Variants in PLEKHA5 observed in about 807,000 individuals in gnomAD.
The protein encoded by PLEKHA5 is pleckstrin homology domain containing A5.
A neutral mutation model predicts 181.9 loss-of-function variants in PLEKHA5; 55 were observed. The observed-to-expected ratio is 0.30, with a 90% CI of 0.24 to 0.38. The LOEUF is 0.38. Ranked by LOEUF, PLEKHA5 falls within the 10% of genes least tolerant of loss-of-function variation. The pLI is 1.00. For missense variants in PLEKHA5, 1,432 were observed against 1,549.5 expected (o/e 0.92, Z 1.27); for synonymous variants, 535 against 529.4 (o/e 1.01, Z -0.15).
At chr12:19,302,013 A>T (rs965189173) in intron 15 of PLEKHA5, among the ~76,000 whole-genome samples, 1 of 152,202 alleles carries the variant, frequency 6.6e-6, no homozygotes, top group South Asian at 2.1e-4. Context: ...CCCTGGGCAC[A>T]TCAAATTCTT....
chr12:19,129,919 C>T, intron 1 of PLEKHA5, 31 bp downstream of exon 1: 1 of 1,570,972 alleles, frequency 6.4e-7, no homozygotes, highest in Non-Finnish European at 8.7e-7. Context: ...CGGGGGCCCG[C>T]GGGGGCGGGA....
At chr12:19,225,307 T>C (rs1173378234) in intron 3 of PLEKHA5, among the ~76,000 whole-genome samples, 1 of 152,148 alleles carries the variant, frequency 6.6e-6, no homozygotes. Context: ...TTCATAACGT[T>C]CCTCAGAGCA....
intron 3 of PLEKHA5, among the ~76,000 whole-genome samples, chr12:19,223,000 C>CTT (rs62719560): frequency 3.9e-5 from 5 of 128,902 alleles, no homozygotes; most frequent in African/African-American, 1.2e-4. Flanking sequence ...GAAATTTTGT[C>CTT]TTTTTTTTTT....
At chr12:19,175,013 T>G (rs1410625912) in intron 3 of PLEKHA5, among the ~76,000 whole-genome samples, 1 of 152,066 alleles carries the variant, frequency 6.6e-6, no homozygotes, top group African/African-American at 2.4e-5. Context: ...TAATAAGAAA[T>G]GTGAATAAAA....
chr12:19,354,553 T>G (rs1253300421), intron 26 of PLEKHA5, among the ~76,000 whole-genome samples: 1 of 148,168 alleles, frequency 6.7e-6, no homozygotes, highest in Non-Finnish European at 1.5e-5. Flanking sequence ...TGATTTCAGC[T>G]CACTGCAAAC....
At chr12:19,137,528 T>C (rs2036012375) in intron 3 of PLEKHA5, among the ~76,000 whole-genome samples, 1 of 152,228 alleles carries the variant, frequency 6.6e-6, no homozygotes, top group Non-Finnish European at 1.5e-5. Flanking sequence ...AACTATGATC[T>C]CAGCTTTCAA....
At chr12:19,320,456 T>G (rs1313187914) in intron 17 of PLEKHA5, 106 bp from the exon 18 acceptor site, 5 of 542,760 alleles carry the variant, frequency 9.2e-6, no homozygotes, top group Non-Finnish European at 1.6e-5. Context: ...AAAATCTATT[T>G]TTGTTATGTT....
chr12:19,189,593 GGTTAA>G (rs2050626399), intron 3 of PLEKHA5, among the ~76,000 whole-genome samples: 1 of 152,132 alleles, frequency 6.6e-6, no homozygotes, highest in Admixed American at 6.5e-5. Context: ...GTTTTTGGTA[GGTTAA>G]GTTTGAGATG....
At chr12:19,270,915 A>G (rs545493355) in intron 10 of PLEKHA5, among the ~76,000 whole-genome samples, 1 of 152,198 alleles carries the variant, frequency 6.6e-6, no homozygotes, top group East Asian at 1.9e-4. Flanking sequence ...TTTTTGGCTA[A>G]AAGACTTAGG....
Position 19,348,523 on chromosome 12 carries a change from A to G in PLEKHA5, c.3019+4A>G. Reference sequence around the variant, plus strand: ...ATAGAAACTTCAGTTGTTAAAGGTCAGCATTTGTAATATGTTTTACCTCTT... The same window carrying G: ...ATAGAAACTTCAGTTGTTAAAGGTCGGCATTTGTAATATGTTTTACCTCTT... On this transcript the variant is annotated splice_donor_region_variant and intron_variant, in intron 25 of 31. Coordinates refer to ENST00000429027, the MANE Select transcript of PLEKHA5 (RefSeq NM_001256470.2). 1 of 1,562,030 alleles carries G rather than the reference A, an allele frequency of 6.4e-7. No individual in the cohort carries two copies.
chr12:19,130,125 G>A lies in PLEKHA5; in HGVS notation c.164G>A (p.Ser55Asn), dbSNP rs1294159076. Residue 55 changes from serine (S) to asparagine (N), a missense_variant, in exon 2 of 32, where the codon AGC becomes AAC. This residue lies in a region of PLEKHA5 where 289 missense variants were observed against 381.1 expected (regional missense o/e 0.76). Coordinates refer to ENST00000429027, the MANE Select transcript of PLEKHA5 (RefSeq NM_001256470.2). The surrounding 1 kb of genome is among the most constrained non-coding windows in gnomAD (Gnocchi z 4.5). ...EAVVTGHRRQ[S>N]TDLPTGWEEA... ...GTGGTCACCGGACACCGGCGGCAGAGCACAGGTAACGCCGGGCCCAAACGG... is the reference window on the plus strand; with the variant it reads ...GTGGTCACCGGACACCGGCGGCAGAACACAGGTAACGCCGGGCCCAAACGG... The A allele has an allele frequency of 1.9e-6, 3 of 1,569,870 alleles. No homozygotes were observed. Among genetic ancestry groups the A allele is most frequent in the African/African-American group, 2.8e-5 (2 of 72,442 alleles).
Position 19,304,363 on chromosome 12 carries a change from C to G in PLEKHA5, c.2038-10451C>G, listed in dbSNP as rs1222385552. Reference sequence around the variant, plus strand: ...GAGGTTGCAGTGAGCTGAGATTGCGCCATTGCACATCAGCTTTTAAAAGGC... The same window carrying G: ...GAGGTTGCAGTGAGCTGAGATTGCGGCATTGCACATCAGCTTTTAAAAGGC... On this transcript the variant is annotated intron_variant, in intron 15 of 31. Coordinates refer to ENST00000429027, the MANE Select transcript of PLEKHA5 (RefSeq NM_001256470.2). Among the ~76,000 whole-genome samples, 2 of 152,186 alleles carry G rather than the reference C, an allele frequency of 1.3e-5. 1 individual carries two copies. Among genetic ancestry groups the G allele is most frequent in the African/African-American group, 4.8e-5 (2 of 41,446 alleles).
At chr12:19,302,795 A>G (rs1388023847) in intron 15 of PLEKHA5, among the ~76,000 whole-genome samples, 1 of 151,686 alleles carries the variant, frequency 6.6e-6, no homozygotes, top group Non-Finnish European at 1.5e-5. Flanking sequence ...AAGTAAAAAC[A>G]TGTCCTCAGT....
chr12:19,337,011 G>A (rs1449161410), intron 21 of PLEKHA5, among the ~76,000 whole-genome samples: 2 of 105,866 alleles, frequency 1.9e-5, no homozygotes, highest in African/African-American at 4.3e-5. Flanking sequence ...TTTTGAGACA[G>A]AGTTTTGCTC....
chr12:19,194,683 G>A (rs1172159608), intron 3 of PLEKHA5, among the ~76,000 whole-genome samples: 2 of 152,098 alleles, frequency 1.3e-5, no homozygotes, highest in African/African-American at 4.8e-5. Flanking sequence ...TCATTATACA[G>A]ACAAATTGAA....
At chr12:19,200,282 A>C in intron 3 of PLEKHA5, 1 of 1,430,706 alleles carries the variant, frequency 7.0e-7, no homozygotes, top group Non-Finnish European at 9.5e-7. Flanking sequence ...ATAAAAAAAA[A>C]TTTAAACATT....
rs1302615397 is a variant in PLEKHA5, at chr12:19,375,512, CCT to C, written c.*12-12_*12-11del. 2 of 152,360 alleles carry C rather than the reference CCT, an allele frequency of 1.3e-5. No homozygotes were observed. The highest frequency in any genetic ancestry group is 2.9e-5 in the Non-Finnish European group (2 of 68,008). 9.4% of individuals were successfully genotyped at this position (152,360 alleles called of 1,614,324 possible). Reference sequence around the variant, plus strand: ...AACGTTGCAGGTGTCAAAGTAATTTCCTCTCTCTTATTTTTCAGCTATACTGA... The same window carrying C: ...AACGTTGCAGGTGTCAAAGTAATTTCCTCTCTTATTTTTCAGCTATACTGA... On this transcript the variant is annotated splice_polypyrimidine_tract_variant and intron_variant, in intron 31 of 31. Coordinates refer to ENST00000429027, the MANE Select transcript of PLEKHA5 (RefSeq NM_001256470.2).
At chr12:19,326,678 A>G (rs2092145889) in intron 20 of PLEKHA5, among the ~76,000 whole-genome samples, 1 of 152,190 alleles carries the variant, frequency 6.6e-6, no homozygotes, top group Non-Finnish European at 1.5e-5. Context: ...CCCATCACCC[A>G]GGTACCTAGC....
At chr12:19,244,076 T>C (rs1205886324) in intron 3 of PLEKHA5, among the ~76,000 whole-genome samples, 1 of 152,124 alleles carries the variant, frequency 6.6e-6, no homozygotes, top group Non-Finnish European at 1.5e-5. Flanking sequence ...TTAATAATAA[T>C]TTTTAAATTA....
Sources: gnomAD v4.1 joint callset for allele counts (sites outside exome capture counted in the v4.1 genomes callset) on GRCh38, gnomAD v4.1.1 for gene constraint, gnomAD v4.1.1 regional missense constraint, Gnocchi (gnomAD v3.1) non-coding constraint, MANE v1.5 for transcripts, NCBI Gene and HGNC (gene_info 2026-07-23, HGNC 2026-07-21) for gene names.